The following RHPN1 variants were observed in gnomAD, a reference collection of about 807,000 sequenced individuals.
RHPN1 encodes rhophilin-1.
RHPN1 carries 77 observed loss-of-function variants against 74.7 expected under a neutral mutation model. The observed-to-expected ratio is 1.03, with a 90% CI of 0.86 to 1.25. The LOEUF (loss-of-function observed/expected upper bound fraction) is 1.25, where lower values mean the gene tolerates loss of function less well. RHPN1 is among the 50% of genes most tolerant of loss of function. The pLI, the probability that RHPN1 is intolerant of heterozygous loss-of-function variation, is 0.00. For missense variants in RHPN1, 987 were observed against 932.2 expected (o/e 1.06, Z -0.77); for synonymous variants, 444 against 414.5 (o/e 1.07, Z -0.87).
chr8:143,375,406 C>T lies in RHPN1; in HGVS notation c.61-147C>T, dbSNP rs569568000. On this transcript the variant is annotated intron_variant, in intron 1 of 14. Coordinates refer to ENST00000289013, the MANE Select transcript of RHPN1 (RefSeq NM_052924.3). ...GTGTTCACACTAGTTCTGTCCAGCC[C>T]CTCCCTGTGAGGCCAGCTCCAGCCC... 481 of 581,648 alleles carry T rather than the reference C, an allele frequency of 8.3e-4. 1 individual carries two copies. Among genetic ancestry groups the T allele is most frequent in the Non-Finnish European group, 1.3e-3 (424 of 334,578 alleles). 36.0% of individuals were successfully genotyped at this position (581,648 alleles called of 1,614,324 possible). A position where few individuals can be genotyped will look rare whatever the true frequency, so the allele number is the denominator to read the frequency against.
At chr8:143,374,839 G>A (rs1295329606) in intron 1 of RHPN1, among the ~76,000 whole-genome samples, 1 of 152,232 alleles carries the variant, frequency 6.6e-6, no homozygotes, top group African/African-American at 2.4e-5. Context: ...AGCCATCAAA[G>A]TCCAGAAGGG....
At position 143,380,822 on chromosome 8, in the gene RHPN1, G is replaced by A. The variant is rs368233051; in HGVS notation, c.1411+39G>A. 1.7e-3 allele frequency: 2,467 copies of A among 1,472,118 alleles called. 6 individuals are homozygous for A. The highest frequency in any genetic ancestry group is 2.1e-3 in the Non-Finnish European group (2,285 of 1,098,544). 91.2% of individuals were successfully genotyped at this position (1,472,118 alleles called of 1,614,324 possible). A position where few individuals can be genotyped will look rare whatever the true frequency, so the allele number is the denominator to read the frequency against. The stretch of plus-strand genomic sequence containing the variant: ...GCCTGTCTGGGTGGCTGCATCCCTG[G>A]CCAGGGTGGGGGCCTTCGTCCTGGA... On this transcript the variant is annotated intron_variant, in intron 11 of 14. Transcript: ENST00000289013.
chr8:143,376,880 A>ATGTG (rs36179453), intron 3 of RHPN1, among the ~76,000 whole-genome samples: 1 of 148,314 alleles, frequency 6.7e-6, no homozygotes, highest in Non-Finnish European at 1.5e-5. Context: ...ATGTGTGTGC[A>ATGTG]TGTGTGTGCA....
In RHPN1 at chr8:143,382,582, C is replaced by T; in HGVS notation, c.1944C>T (p.Gly648=). ...SRKAQQGKTG[G]CPQPCAPVKP... ...AGGCCCAGCAGGGCAAGACTGGAGGCTGCCCCCAGCCCTGTGCCCCAGTGA... is the reference window on the plus strand; with the variant it reads ...AGGCCCAGCAGGGCAAGACTGGAGGTTGCCCCCAGCCCTGTGCCCCAGTGA... The change falls in exon 15 of 15, where the codon GGC becomes GGT. Residue 648 remains glycine, a synonymous_variant. Coordinates refer to ENST00000289013, the MANE Select transcript of RHPN1 (RefSeq NM_052924.3). 2 of 1,611,370 alleles carry T rather than the reference C, an allele frequency of 1.2e-6. No homozygotes were observed. The highest frequency in any genetic ancestry group is 1.3e-5 in the African/African-American group (1 of 75,032).
intron 1 of RHPN1, among the ~76,000 whole-genome samples, chr8:143,374,494 G>A (rs1258130395): frequency 1.3e-5 from 2 of 152,240 alleles, no homozygotes; most frequent in African/African-American, 4.8e-5. Context: ...GGGAGTCAGT[G>A]TCCCTGAGCA....
In RHPN1 at chr8:143,381,564, C is replaced by A; in HGVS notation, c.1489-8C>A. 1 of 1,604,328 alleles carries A rather than the reference C, an allele frequency of 6.2e-7. No homozygotes were observed. On this transcript the variant is annotated splice_polypyrimidine_tract_variant and splice_region_variant and intron_variant, in intron 12 of 14. Coordinates refer to ENST00000289013, the MANE Select transcript of RHPN1 (RefSeq NM_052924.3). ...CAGCTGGGCCTCTGACCTCTGAGCC[C>A]CTGCCAGGGGCCCCTGTCTGTGTTC...
Position 143,375,642 on chromosome 8 carries a change from G to A in RHPN1, c.150G>A (p.Met50Ile). 6.2e-7 allele frequency: 1 copy of A among 1,608,520 alleles called. No homozygotes were observed. Among genetic ancestry groups the A allele is most frequent in the South Asian group, 1.1e-5 (1 of 90,416 alleles). The part of the protein sequence containing the change: ...IHQQIDKELQ[M>I]RTGAENLYRA... ...AGCAGATTGACAAGGAGCTGCAGAT[G>A]CGGACGGGCGCTGAGAACCTCTACA... The change falls in exon 2 of 15, where the codon ATG (methionine) becomes ATA (isoleucine). Residue 50 changes from methionine to isoleucine, a missense_variant. Transcript: ENST00000289013.
chr8:143,373,722 G>T (rs934421192), intron 1 of RHPN1, among the ~76,000 whole-genome samples: 3 of 150,132 alleles, frequency 2.0e-5, no homozygotes, highest in Non-Finnish European at 3.0e-5. Flanking sequence ...TTGGGGGATG[G>T]CGTGGGTTCC....
At position 143,374,710 on chromosome 8, in the gene RHPN1, G is replaced by A. The variant is rs571958438; in HGVS notation, c.61-843G>A. On this transcript the variant is annotated intron_variant, in intron 1 of 14. Transcript: ENST00000289013. Reference sequence around the variant, plus strand: ...AGGCCATGGTGAGAGGGAGGGACACGTGAGGATCATGTGGGCAGGACCCCA... The same window carrying A: ...AGGCCATGGTGAGAGGGAGGGACACATGAGGATCATGTGGGCAGGACCCCA... Among the ~76,000 whole-genome samples, 6 of 152,358 alleles carry A rather than the reference G, an allele frequency of 3.9e-5. No individual in the cohort carries two copies. In the East Asian group the frequency reaches 5.8e-4, roughly 15 times the overall value.
Position 143,380,682 on chromosome 8 carries a change from G to A in RHPN1, c.1310G>A (p.Arg437Gln), listed in dbSNP as rs769635387. 2.5e-5 allele frequency: 40 copies of A among 1,580,910 alleles called. No homozygotes were observed. The East Asian group carries it at 8.6e-4, about 34-fold the overall frequency. Reference protein sequence around the residue: ...CRVLREVDLLRAVISQTLQRS... With the variant: ...CRVLREVDLLQAVISQTLQRS... ...GTCCTGCGCGAGGTGGACCTGCTTC[G>A]GGCTGTGATCTCCCAGACGCTGCAG... Residue 437 changes from arginine to glutamine, a missense_variant, in exon 11 of 15, where the codon CGG becomes CAG. Arg to Gln is a conservative substitution (Grantham distance 43, BLOSUM62 1). Transcript: ENST00000289013.
chr8:143,378,855 G>T, intron 6 of RHPN1, 35 bp downstream of exon 6: 1 of 1,569,006 alleles, frequency 6.4e-7, no homozygotes, highest in Non-Finnish European at 8.6e-7. Flanking sequence ...CCCTGGGGAG[G>T]GGAGGCCCAG....
upstream of RHPN1, chr8:143,368,646 G>A: frequency 5.3e-6 from 1 of 187,414 alleles, no homozygotes; most frequent in Non-Finnish European, 1.1e-5. Flanking sequence ...CTGCCAGCCA[G>A]CCGCGGGCGT....
Position 143,369,111 on chromosome 8 carries a change from CT to C in RHPN1, c.60+65del, listed in dbSNP as rs1179375080. The C allele has an allele frequency of 8.4e-6, 11 of 1,306,404 alleles. No individual in the cohort carries two copies. The South Asian group carries it at 1.3e-4, about 15-fold the overall frequency. 80.9% of individuals were successfully genotyped at this position (1,306,404 alleles called of 1,614,324 possible). A position where few individuals can be genotyped will look rare whatever the true frequency, so the allele number is the denominator to read the frequency against. ...GAATCCCGGCCTTTTCCTGCCCCCCCTCGAGGCGCGTTCCGGGCGCCCCCCT... is the reference window on the plus strand; with the variant it reads ...GAATCCCGGCCTTTTCCTGCCCCCCCCGAGGCGCGTTCCGGGCGCCCCCCT... On this transcript the variant is annotated intron_variant, in intron 1 of 14. Coordinates refer to ENST00000289013, the MANE Select transcript of RHPN1 (RefSeq NM_052924.3).
rs1001752756 is a variant in RHPN1 at position 143,379,464 on chromosome 8, C to A, written c.901C>A (p.Gln301Lys). 2 of 1,570,228 alleles carry A rather than the reference C, an allele frequency of 1.3e-6. No homozygotes were observed. Among genetic ancestry groups the A allele is most frequent in the East Asian group, 2.4e-5 (1 of 42,044 alleles). The change falls in exon 8 of 15, where the codon CAA becomes AAA. Residue 301 changes from glutamine to lysine, a missense_variant. Physicochemically the swap from Gln to Lys is moderately conservative, Grantham distance 53 (BLOSUM62 1). Coordinates refer to ENST00000289013, the MANE Select transcript of RHPN1 (RefSeq NM_052924.3). ...GLSPPASMAPQDCLAQLRLAQ... is the reference protein window; with the variant it reads ...GLSPPASMAPKDCLAQLRLAQ... ...CTCACCACCTGCCTCCATGGCCCCCCAAGACTGCCTGGCCCAGCTGCGCCT... is the reference window on the plus strand; with the variant it reads ...CTCACCACCTGCCTCCATGGCCCCCAAAGACTGCCTGGCCCAGCTGCGCCT...
Position 143,380,801 on chromosome 8 carries a change from G to T in RHPN1, c.1411+18G>T, listed in dbSNP as rs1250609429. The T allele has an allele frequency of 2.0e-6, 3 of 1,522,188 alleles. No homozygotes were observed. Among genetic ancestry groups the T allele is most frequent in the Non-Finnish European group, 2.7e-6 (3 of 1,128,250 alleles). 94.3% of individuals were successfully genotyped at this position (1,522,188 alleles called of 1,614,324 possible). On this transcript the variant is annotated intron_variant, in intron 11 of 14. Coordinates refer to ENST00000289013, the MANE Select transcript of RHPN1 (RefSeq NM_052924.3). Reference sequence around the variant, plus strand: ...CATCCAGCGTGAGCAGCCAGGGCCTGTCTGGGTGGCTGCATCCCTGGCCAG... The same window carrying T: ...CATCCAGCGTGAGCAGCCAGGGCCTTTCTGGGTGGCTGCATCCCTGGCCAG...
rs770682672 is a variant in RHPN1 at position 143,376,536 on chromosome 8, A to G, written c.188A>G (p.Asn63Ser). The G allele has an allele frequency of 6.2e-7, 1 of 1,612,388 alleles. No individual in the cohort carries two copies. The highest frequency in any genetic ancestry group is 1.1e-5 in the South Asian group (1 of 91,024). The change falls in exon 3 of 15, where the codon AAC (asparagine) becomes AGC (serine). Residue 63 changes from asparagine (N) to serine (S), a missense_variant. Transcript: ENST00000289013. ...GAENLYRATS[N>S]NRVRETVALE... Reference sequence around the variant, plus strand: ...GCGGCCTCCCTCAGAGCCACCAGCAACAACCGGGTGAGAGAGACGGTCGCC... The same window carrying G: ...GCGGCCTCCCTCAGAGCCACCAGCAGCAACCGGGTGAGAGAGACGGTCGCC...
At chr8:143,381,461 T>C (rs1818723601) in intron 12 of RHPN1, 111 bp from the exon 13 acceptor site, 2 of 1,471,582 alleles carry the variant, frequency 1.4e-6, no homozygotes. Context: ...CCACCCACCT[T>C]GTGGAACCCC....
At position 143,380,057 on chromosome 8, in the gene RHPN1, C is replaced by T. The variant is rs1162483734; in HGVS notation, c.1103-5C>T. ...CGCAGGGCTCACAGCCTCTCTGTCC[C>T]CCAGCAGCGACCGAGGGAGAGCTCC... On this transcript the variant is annotated splice_polypyrimidine_tract_variant and splice_region_variant and intron_variant, in intron 9 of 14. Transcript: ENST00000289013. The T allele has an allele frequency of 6.5e-7, 1 of 1,545,176 alleles. No homozygotes were observed. Among genetic ancestry groups the T allele is most frequent in the East Asian group, 2.4e-5 (1 of 40,984 alleles).
At position 143,381,581 on chromosome 8, in the gene RHPN1, T is replaced by A; in HGVS notation, c.1498T>A (p.Ser500Thr). 1 of 1,608,320 alleles carries A rather than the reference T, an allele frequency of 6.2e-7. No individual in the cohort carries two copies. The highest frequency in any genetic ancestry group is 8.5e-7 in the Non-Finnish European group (1 of 1,178,888). Residue 500 changes from serine (S) to threonine (T), a missense_variant, in exon 13 of 15, where the codon TCT (serine) becomes ACT (threonine). Physicochemically the swap from Ser to Thr is moderately conservative, Grantham distance 58. Transcript: ENST00000289013. ...PDIFHRLGPL[S>T]VFSAKNRWRL... ...TCTGAGCCCCTGCCAGGGGCCCCTG[T>A]CTGTGTTCTCAGCCAAGAACCGGTG... is the stretch of plus-strand genomic sequence containing the variant.
Sources: allele counts gnomAD v4.1 joint callset (sites outside exome capture counted in the v4.1 genomes callset), GRCh38; gene constraint gnomAD v4.1.1; transcripts MANE v1.5; gene names NCBI Gene and HGNC (gene_info 2026-07-23, HGNC 2026-07-21).